Variants in SLC5A4 observed in about 807,000 individuals in gnomAD.
The protein encoded by SLC5A4 is solute carrier family 5 member 4, also known as probable glucose sensor protein SLC5A4.
A neutral mutation model predicts 70.3 loss-of-function variants in SLC5A4; 55 were observed. That is an observed-to-expected ratio of 0.78 (90% confidence interval 0.63 to 0.98). The LOEUF (loss-of-function observed/expected upper bound fraction) is 0.98, where lower values mean the gene tolerates loss of function less well. Ranked by LOEUF, SLC5A4 falls within the 50% of genes least tolerant of loss-of-function variation. The pLI is 0.00. For synonymous variants in SLC5A4, 268 were observed against 305.7 expected (o/e 0.88, Z 1.29); for missense variants, 735 against 839.2 (o/e 0.88, Z 1.53).
At chr22:32,229,418 G>T in intron 10 of SLC5A4, 74 bp from the exon 11 acceptor site, 1 of 1,496,996 alleles carries the variant, frequency 6.7e-7, no homozygotes, top group Non-Finnish European at 9.1e-7. Context: ...GGGTTGAAAG[G>T]TTAAAAGTAT....
At chr22:32,351,598 A>C in the SLC5A4 span, among the ~76,000 whole-genome samples, 1 of 149,280 alleles carries the variant, frequency 6.7e-6, no homozygotes, top group Non-Finnish European at 1.5e-5. Flanking sequence ...GCTACTCAAG[A>C]GGCTGAGGCA....
the SLC5A4 span, among the ~76,000 whole-genome samples, chr22:32,282,356 A>T: frequency 2.0e-5 from 3 of 151,514 alleles, no homozygotes; most frequent in Non-Finnish European, 4.4e-5. Context: ...TCTGCTGGCT[A>T]GTCTCTCTCT....
At chr22:32,348,683 GTAACTATTTA>G in the SLC5A4 span, among the ~76,000 whole-genome samples, 1 of 151,994 alleles carries the variant, frequency 6.6e-6, no homozygotes, top group Admixed American at 6.5e-5. Context: ...TAAGATTTTC[GTAACTATTTA>G]TAACTCTTTA....
intron 14 of SLC5A4, among the ~76,000 whole-genome samples, chr22:32,220,032 A>AACAC (rs3069413): frequency 5.9e-4 from 88 of 149,788 alleles, no homozygotes; most frequent in East Asian, 2.4e-3. Flanking sequence ...TAAGATGTGC[A>AACAC]ACACACACAC....
Position 32,235,151 on chromosome 22 carries a change from T to C in SLC5A4, c.665-58A>G. 5 of 1,255,602 alleles carry C rather than the reference T, an allele frequency of 4.0e-6. No individual in the cohort carries two copies. In the Admixed American group the frequency reaches 7.1e-5, roughly 18 times the overall value. The allele number at this position is 1,255,602 out of a possible 1,614,324, so 77.8% of individuals were successfully genotyped here. On this transcript the variant is annotated intron_variant, in intron 7 of 14. Coordinates refer to ENST00000266086, the MANE Select transcript of SLC5A4 (RefSeq NM_014227.3). ...TACTGAAATCTAAGACATCCAATGT[T>C]TATGATGACTACTTTTTGGTGGAGG...
At chr22:32,274,792 T>C in the SLC5A4 span, among the ~76,000 whole-genome samples, 2 of 152,020 alleles carry the variant, frequency 1.3e-5, no homozygotes, top group Non-Finnish European at 2.9e-5. Context: ...TTAACAAGAG[T>C]AGAGTTAATA....
chr22:32,339,875 C>T, the SLC5A4 span, among the ~76,000 whole-genome samples: 3 of 152,214 alleles, frequency 2.0e-5, no homozygotes, highest in Non-Finnish European at 2.9e-5. Context: ...CTGACACCTG[C>T]GGGCCAGATC....
chr22:32,325,472 G>A, the SLC5A4 span, among the ~76,000 whole-genome samples: 1 of 152,308 alleles, frequency 6.6e-6, no homozygotes, highest in Non-Finnish European at 1.5e-5. Context: ...CTCAGCCAAG[G>A]CCATTCAGAG....
At chr22:32,290,616 T>G in the SLC5A4 span, among the ~76,000 whole-genome samples, 102 of 152,194 alleles carry the variant, frequency 6.7e-4, 1 homozygote, top group Non-Finnish European at 2.2e-4. Flanking sequence ...ACTCGGTAAC[T>G]TACAAACAAT....
At chr22:32,310,074 C>T in the SLC5A4 span, among the ~76,000 whole-genome samples, 117 of 9,858 alleles carry the variant, frequency 0.012, 1 homozygote, top group African/African-American at 0.032. Flanking sequence ...GGAGGGAGGA[C>T]GGGGGATGGG....
At chr22:32,315,508 G>A in the SLC5A4 span, among the ~76,000 whole-genome samples, 2 of 152,110 alleles carry the variant, frequency 1.3e-5, no homozygotes, top group Non-Finnish European at 2.9e-5. Context: ...TTTTGATATT[G>A]TTCACAGTAG....
the SLC5A4 span, among the ~76,000 whole-genome samples, chr22:32,337,336 C>T: frequency 6.6e-6 from 1 of 152,220 alleles, no homozygotes; most frequent in Non-Finnish European, 1.5e-5. Flanking sequence ...AGTTCAGGAC[C>T]AGCCTGGGCA....
the SLC5A4 span, among the ~76,000 whole-genome samples, chr22:32,338,923 C>T: frequency 6.6e-6 from 1 of 152,174 alleles, no homozygotes; most frequent in South Asian, 2.1e-4. Context: ...TATGTCTCCT[C>T]CTCCTGCCCC....
At chr22:32,300,384 G>T in the SLC5A4 span, among the ~76,000 whole-genome samples, 3 of 152,172 alleles carry the variant, frequency 2.0e-5, no homozygotes, top group South Asian at 4.2e-4. Context: ...TAAACCAGTC[G>T]GAAAAGCGCA....
chr22:32,254,450 C>T (rs1382916303), intron 1 of SLC5A4, among the ~76,000 whole-genome samples: 1 of 152,218 alleles, frequency 6.6e-6, no homozygotes, highest in Non-Finnish European at 1.5e-5. Context: ...ATCTTAACTG[C>T]TCTGATTATT....
At chr22:32,229,109 C>A in intron 11 of SLC5A4, 85 bp downstream of exon 11, 3 of 1,323,610 alleles carry the variant, frequency 2.3e-6, no homozygotes, top group South Asian at 1.5e-5. Context: ...TTACTTTCAC[C>A]AAAGCCAAAG....
chr22:32,232,311 C>T (rs1297785482), intron 9 of SLC5A4, among the ~76,000 whole-genome samples: 2 of 152,120 alleles, frequency 1.3e-5, no homozygotes, highest in East Asian at 3.9e-4. Flanking sequence ...AGGGATTACC[C>T]CAATAAAAAT....
chr22:32,346,740 C>G, the SLC5A4 span, among the ~76,000 whole-genome samples: 1 of 145,330 alleles, frequency 6.9e-6, no homozygotes, highest in Non-Finnish European at 1.5e-5. Context: ...AGACCTAAAA[C>G]CATAAAAACC....
the SLC5A4 span, chr22:32,271,600 C>T: frequency 1.9e-5 from 13 of 679,596 alleles, no homozygotes; most frequent in Non-Finnish European, 3.3e-5. Context: ...TCCACTACTT[C>T]GAGGACATTT....
Sources: gnomAD v4.1 joint callset for allele counts (sites outside exome capture counted in the v4.1 genomes callset) on GRCh38, gnomAD v4.1.1 for gene constraint, MANE v1.5 for transcripts, NCBI Gene and HGNC (gene_info 2026-07-23, HGNC 2026-07-21) for gene names.